JAKMIP1: variants seen among roughly 807,000 people sequenced by gnomAD.
The protein encoded by JAKMIP1 is janus kinase and microtubule interacting protein 1, also known as janus kinase and microtubule-interacting protein 1.
Under a neutral mutation model 113.0 loss-of-function variants are expected in JAKMIP1, and 33 were observed. The observed-to-expected ratio is 0.29, with a 90% CI of 0.22 to 0.39. JAKMIP1 has a LOEUF of 0.39. JAKMIP1 is among the 10% of genes least tolerant of loss of function. The pLI, the probability that JAKMIP1 is intolerant of heterozygous loss-of-function variation, is 1.00. For missense variants in JAKMIP1, 813 were observed against 1,080.5 expected, an observed-to-expected ratio of 0.75 and a Z score of 3.47; for synonymous variants, 480 against 459.9, an observed-to-expected ratio of 1.04 and a Z score of -0.56.
chr4:6,030,729 A>C (rs10026454), intron 19 of JAKMIP1, among the ~76,000 whole-genome samples: 24 of 152,064 alleles, frequency 1.6e-4, no homozygotes, highest in Middle Eastern at 3.2e-3. Flanking sequence ...AAAATTAAAC[A>C]TGGGGTCACC....
chr4:6,092,031 T>C (rs984249593), intron 3 of JAKMIP1, among the ~76,000 whole-genome samples: 2 of 152,150 alleles, frequency 1.3e-5, no homozygotes, highest in African/African-American at 4.8e-5. Context: ...TCAGAGTCTT[T>C]CCAACATTGA....
chr4:6,107,160 T>C (rs1220670666), intron 2 of JAKMIP1, among the ~76,000 whole-genome samples: 2 of 152,182 alleles, frequency 1.3e-5, no homozygotes, highest in African/African-American at 4.8e-5. Context: ...ATCAGCATCT[T>C]TTCCTAGTGG....
chr4:6,195,009 T>G (rs554287100), intron 1 of JAKMIP1, among the ~76,000 whole-genome samples: 33 of 152,344 alleles, frequency 2.2e-4, no homozygotes, highest in Middle Eastern at 3.4e-3. Context: ...GATCCTAGAC[T>G]AGGCCTTTCA....
chr4:6,099,466 T>C (rs1390930737), intron 3 of JAKMIP1, among the ~76,000 whole-genome samples: 1 of 152,250 alleles, frequency 6.6e-6, no homozygotes, highest in Non-Finnish European at 1.5e-5. Flanking sequence ...TGAAGGACTG[T>C]GCGAGAGCAC....
chr4:6,084,825 C>T, intron 5 of JAKMIP1, 21 bp downstream of exon 5: 1 of 1,608,032 alleles, frequency 6.2e-7, no homozygotes, highest in Admixed American at 1.7e-5. Flanking sequence ...GAGGCACCGC[C>T]TGTCTCTTGG....
intron 16 of JAKMIP1, among the ~76,000 whole-genome samples, chr4:6,045,807 T>A (rs1004662007): frequency 5.9e-5 from 9 of 151,892 alleles, no homozygotes; most frequent in Admixed American, 4.6e-4. Context: ...GAGGTGGAGG[T>A]TGCAGTAAGC....
At position 6,105,648 on chromosome 4, in the gene JAKMIP1, C is replaced by T; in HGVS notation, c.449G>A (p.Arg150Gln). ...GAGCTCCAGGATCTCCTGCTGCAGC[C>T]GCAGGCGCTCTCCATCGAAGGCCCT... ...ARRAFDGERL[R>Q]LQQEILELKA... Residue 150 changes from arginine to glutamine, a missense_variant, in exon 3 of 21, where the codon CGG becomes CAG. Arg to Gln is a conservative substitution (Grantham distance 43, BLOSUM62 1). Coordinates refer to ENST00000409021, the MANE Select transcript of JAKMIP1 (RefSeq NM_001099433.2). 1 of 1,597,046 alleles carries T rather than the reference C, an allele frequency of 6.3e-7. No homozygotes were observed. The highest frequency in any genetic ancestry group is 8.5e-7 in the Non-Finnish European group (1 of 1,172,892).
At chr4:6,175,161 A>AC (rs1311766908) in intron 1 of JAKMIP1, among the ~76,000 whole-genome samples, 1 of 151,942 alleles carries the variant, frequency 6.6e-6, no homozygotes, top group Non-Finnish European at 1.5e-5. Context: ...GGGCAGCAAC[A>AC]CAGCACTGAC....
chr4:6,078,904 G>A (rs368736792), intron 8 of JAKMIP1, 35 bp downstream of exon 8: 57 of 1,611,834 alleles, frequency 3.5e-5, no homozygotes, highest in African/African-American at 1.9e-4. Flanking sequence ...GTGACACAGC[G>A]GCAAGGTAGG....
At chr4:6,103,532 T>C (rs1218787622) in intron 3 of JAKMIP1, among the ~76,000 whole-genome samples, 1 of 152,252 alleles carries the variant, frequency 6.6e-6, no homozygotes, top group Non-Finnish European at 1.5e-5. Context: ...AGTTAAAATG[T>C]GTTCCTAATT....
rs1719032411 is a variant in JAKMIP1, at chr4:6,135,044, T to C, written c.-147-22047A>G. 6.6e-6 allele frequency among the ~76,000 whole-genome samples: 1 copy of C among 152,012 alleles called. No individual in the cohort carries two copies. On this transcript the variant is annotated intron_variant, in intron 1 of 20. Coordinates refer to ENST00000409021, the MANE Select transcript of JAKMIP1 (RefSeq NM_001099433.2). The surrounding 1 kb of genome is among the most constrained non-coding windows in gnomAD (Gnocchi z 4.9). ...AGATGGCAGGTGTAGGGCTCGTGTA[T>C]CTCTGGTCTGGTATCGTTGGGGCAG... is the stretch of plus-strand genomic sequence containing the variant.
chr4:6,068,268 G>C (rs1255212815), intron 8 of JAKMIP1, among the ~76,000 whole-genome samples: 1 of 152,278 alleles, frequency 6.6e-6, no homozygotes, highest in South Asian at 2.1e-4. Context: ...GTTTAAAGTA[G>C]AGCAACCTTA....
At chr4:6,149,083 G>A (rs1009190699) in intron 1 of JAKMIP1, among the ~76,000 whole-genome samples, 7 of 152,300 alleles carry the variant, frequency 4.6e-5, no homozygotes, top group Non-Finnish European at 8.8e-5. Flanking sequence ...AACAGTGGCC[G>A]GGTTTGCACT....
At position 6,137,436 on chromosome 4, in the gene JAKMIP1, C is replaced by G. The variant is rs77613718; in HGVS notation, c.-147-24439G>C. On this transcript the variant is annotated intron_variant, in intron 1 of 20. Transcript: ENST00000409021. This position sits in a 1 kb window ranked among gnomAD's most constrained non-coding sequence, Gnocchi z 4.5. ...CCATGGAACCTTAATCACGTCACAC[C>G]TGATACAGTTCCTGAAAAGTCGTCT... is the stretch of plus-strand genomic sequence containing the variant. 1.5e-4 allele frequency among the ~76,000 whole-genome samples: 23 copies of G among 152,322 alleles called. No homozygotes were observed. The East Asian group carries it at 4.4e-3, about 29-fold the overall frequency.
chr4:6,174,125 CT>C (rs1380802094), intron 1 of JAKMIP1, among the ~76,000 whole-genome samples: 4 of 152,178 alleles, frequency 2.6e-5, no homozygotes, highest in African/African-American at 9.7e-5. Context: ...AATTTTATCA[CT>C]GATTCATTTC....
Position 6,105,801 on chromosome 4 carries a change from G to C in JAKMIP1, c.296C>G (p.Ala99Gly). 6.2e-7 allele frequency: 1 copy of C among 1,608,946 alleles called. No individual in the cohort carries two copies. Among genetic ancestry groups the C allele is most frequent in the Non-Finnish European group, 8.5e-7 (1 of 1,179,646 alleles). ...CTCCTTGATCTTGGCGGTGCGCGCCGCCTCCTGCTCGTGCTGCCGGATGAG... is the reference window on the plus strand; with the variant it reads ...CTCCTTGATCTTGGCGGTGCGCGCCCCCTCCTGCTCGTGCTGCCGGATGAG... Reference protein sequence around the residue: ...EGLIRQHEQEAARTAKIKEGE... With the variant: ...EGLIRQHEQEGARTAKIKEGE... The change falls in exon 3 of 21, where the codon GCG becomes GGG. Residue 99 changes from alanine to glycine, a missense_variant. This residue lies in a region of JAKMIP1 where 540 missense variants were observed against 653.9 expected (regional missense o/e 0.83). Transcript: ENST00000409021.
chr4:6,047,800 G>A (rs575018386), intron 16 of JAKMIP1, among the ~76,000 whole-genome samples: 69 of 152,288 alleles, frequency 4.5e-4, no homozygotes, highest in Non-Finnish European at 9.6e-4. Context: ...GAACCCATAT[G>A]CTTTGAAAGG....
chr4:6,143,331 C>T lies in JAKMIP1; in HGVS notation c.-147-30334G>A, dbSNP rs1039376217. Among the ~76,000 whole-genome samples, 2 of 152,224 alleles carry T rather than the reference C, an allele frequency of 1.3e-5. No homozygotes were observed. Among genetic ancestry groups the T allele is most frequent in the African/African-American group, 4.8e-5 (2 of 41,454 alleles). ...CTTCCTGTCTGAATCTCAGCCAATT[C>T]TGGGATCTGGGTGTGGGAAGCCTCC... On this transcript the variant is annotated intron_variant, in intron 1 of 20. Coordinates refer to ENST00000409021, the MANE Select transcript of JAKMIP1 (RefSeq NM_001099433.2). The surrounding 1 kb of genome is among the most constrained non-coding windows in gnomAD (Gnocchi z 4.9).
At position 6,135,153 on chromosome 4, in the gene JAKMIP1, C is replaced by T. The variant is rs1299980533; in HGVS notation, c.-147-22156G>A. On this transcript the variant is annotated intron_variant, in intron 1 of 20. Coordinates refer to ENST00000409021, the MANE Select transcript of JAKMIP1 (RefSeq NM_001099433.2). The surrounding 1 kb of genome is among the most constrained non-coding windows in gnomAD (Gnocchi z 4.9). ...GTATATGGGCTGACTCGTGTCCCTC[C>T]AAAATTCTTATGTTGAATCCCCAAC... Among the ~76,000 whole-genome samples, 1 of 152,114 alleles carries T rather than the reference C, an allele frequency of 6.6e-6. No individual in the cohort carries two copies. The highest frequency in any genetic ancestry group is 1.5e-5 in the Non-Finnish European group (1 of 68,028).
Sources: gnomAD v4.1 joint callset for allele counts (sites outside exome capture counted in the v4.1 genomes callset) on GRCh38, gnomAD v4.1.1 for gene constraint, gnomAD v4.1.1 regional missense constraint, Gnocchi (gnomAD v3.1) non-coding constraint, MANE v1.5 for transcripts, NCBI Gene and HGNC (gene_info 2026-07-23, HGNC 2026-07-21) for gene names.